The following HRH1 variants were observed in gnomAD, a reference collection of about 807,000 sequenced individuals.
The protein encoded by HRH1 is histamine receptor H1, also known as histamine H1 receptor.
HRH1 carries 6 observed loss-of-function variants against 10.3 expected under a neutral mutation model. That is an observed-to-expected ratio of 0.58 (90% confidence interval 0.32 to 1.15). The LOEUF (loss-of-function observed/expected upper bound fraction) is 1.15. HRH1 is among the 50% of genes most tolerant of loss of function. The pLI, the probability that HRH1 is intolerant of heterozygous loss-of-function variation, is 0.05. For missense variants in HRH1, 514 were observed against 615.3 expected, an observed-to-expected ratio of 0.84 and a Z score of 1.74; for synonymous variants, 242 against 236.7, an observed-to-expected ratio of 1.02 and a Z score of -0.21.
At chr3:11,222,826 G>A (rs965478633) in intron 1 of HRH1, among the ~76,000 whole-genome samples, 1 of 152,004 alleles carries the variant, frequency 6.6e-6, no homozygotes, top group South Asian at 2.1e-4. Context: ...CCATTCAAGC[G>A]CATTAAATAA....
At chr3:11,220,125 T>C (rs899852017) in intron 1 of HRH1, among the ~76,000 whole-genome samples, 4 of 152,138 alleles carry the variant, frequency 2.6e-5, no homozygotes, top group African/African-American at 9.7e-5. Flanking sequence ...TCTGGAAAAG[T>C]AATTGTAATA....
At chr3:11,244,244 C>A (rs1438954811) in intron 1 of HRH1, among the ~76,000 whole-genome samples, 1 of 152,220 alleles carries the variant, frequency 6.6e-6, no homozygotes, top group Non-Finnish European at 1.5e-5. Flanking sequence ...AAAGTACACA[C>A]CTTTATTTTA....
At chr3:11,229,800 A>C (rs1438961194) in intron 1 of HRH1, among the ~76,000 whole-genome samples, 1 of 152,242 alleles carries the variant, frequency 6.6e-6, no homozygotes, top group Non-Finnish European at 1.5e-5. Flanking sequence ...CTTGTTTTTC[A>C]TACGTGGTAG....
chr3:11,171,413 GC>G (rs1464653395), intron 1 of HRH1, among the ~76,000 whole-genome samples: 6 of 152,180 alleles, frequency 3.9e-5, no homozygotes, highest in African/African-American at 1.2e-4. Flanking sequence ...ACTGTGCCTG[GC>G]CAGGGTTGCA....
chr3:11,191,645 G>A (rs767573751), intron 1 of HRH1, among the ~76,000 whole-genome samples: 8 of 152,194 alleles, frequency 5.3e-5, no homozygotes, highest in Non-Finnish European at 1.2e-4. Context: ...GAACCTGGGG[G>A]CCAGCATGGA....
At chr3:11,181,152 A>T (rs1006347719) in intron 1 of HRH1, among the ~76,000 whole-genome samples, 1 of 152,070 alleles carries the variant, frequency 6.6e-6, no homozygotes, top group Non-Finnish European at 1.5e-5. Context: ...GCCTAGTGGC[A>T]TGTGCCTGTA....
intron 1 of HRH1, among the ~76,000 whole-genome samples, chr3:11,223,959 G>A (rs1575025784): frequency 6.6e-6 from 1 of 152,142 alleles, no homozygotes; most frequent in Non-Finnish European, 1.5e-5. Context: ...AGCCTTGAGG[G>A]GACACAGAGG....
At chr3:11,151,240 C>T (rs1936612367), upstream of HRH1, among the ~76,000 whole-genome samples, 1 of 152,176 alleles carries the variant, frequency 6.6e-6, no homozygotes, top group Non-Finnish European at 1.5e-5. Flanking sequence ...GGTTGTTTAG[C>T]CATTTCCACC....
intron 1 of HRH1, among the ~76,000 whole-genome samples, chr3:11,243,789 T>A (rs1939409176): frequency 6.6e-6 from 1 of 152,232 alleles, no homozygotes; most frequent in African/African-American, 2.4e-5. Flanking sequence ...CTTTCTGACG[T>A]CCGCATTTTG....
intron 1 of HRH1, among the ~76,000 whole-genome samples, chr3:11,197,816 GTTTGT>G (rs1937723824): frequency 6.6e-6 from 1 of 151,864 alleles, no homozygotes; most frequent in East Asian, 1.9e-4. Context: ...TGTCTACACT[GTTTGT>G]AACCCTCCAG....
intron 1 of HRH1, chr3:11,226,413 TGAGA>T (rs1388410380): frequency 6.6e-6 from 1 of 152,136 alleles, no homozygotes; most frequent in Non-Finnish European, 1.5e-5. Flanking sequence ...CTGAAGTTTT[TGAGA>T]GAGAGAGCAG....
At chr3:11,147,718 G>A (rs1187689194) in intron 1 of HRH1, among the ~76,000 whole-genome samples, 1 of 152,202 alleles carries the variant, frequency 6.6e-6, no homozygotes, top group Non-Finnish European at 1.5e-5. Context: ...CCCAGATGAA[G>A]CTGATACTAT....
rs140787308 is a variant in HRH1, at chr3:11,234,059, C to A, written c.-35-24944C>A. Among the ~76,000 whole-genome samples the A allele has an allele frequency of 3.1e-3, 477 of 152,238 alleles. 2 individuals are homozygous for A. Among genetic ancestry groups the A allele is most frequent in the Non-Finnish European group, 5.5e-3 (374 of 68,016 alleles). On this transcript the variant is annotated intron_variant, in intron 1 of 1. Transcript: ENST00000431010. ...CGGCCACAGGTTTGGGTAGGACACA[C>A]ATACATACAACTCCCATTTTTTTTC...
At chr3:11,175,943 G>C (rs56673747) in intron 1 of HRH1, among the ~76,000 whole-genome samples, 2,203 of 152,186 alleles carry the variant, frequency 0.014, 65 homozygotes, top group African/African-American at 0.051. Flanking sequence ...CAGATTGTCT[G>C]AGCCCAGGAG....
chr3:11,251,772 C>A (rs1939659336), intron 1 of HRH1, among the ~76,000 whole-genome samples: 1 of 152,200 alleles, frequency 6.6e-6, no homozygotes, highest in Non-Finnish European at 1.5e-5. Flanking sequence ...AGTAAGCAAC[C>A]TTTCTGCCTT....
At chr3:11,160,116 A>T (rs1387356761) in intron 1 of HRH1, among the ~76,000 whole-genome samples, 1 of 152,214 alleles carries the variant, frequency 6.6e-6, no homozygotes. Flanking sequence ...CCTGGTGGCC[A>T]CAGATTGAGG....
chr3:11,224,413 G>T (rs1938811517), intron 1 of HRH1, among the ~76,000 whole-genome samples: 2 of 152,186 alleles, frequency 1.3e-5, no homozygotes, highest in Admixed American at 1.3e-4. Context: ...TTGGATGTTG[G>T]AGGGCCGGGC....
chr3:11,243,068 C>G (rs1332099418), intron 1 of HRH1, among the ~76,000 whole-genome samples: 1 of 152,168 alleles, frequency 6.6e-6, no homozygotes, highest in Non-Finnish European at 1.5e-5. Context: ...TGCCTGCCAC[C>G]ACGCCTGGCT....
chr3:11,239,347 T>C (rs1939272992), intron 1 of HRH1, among the ~76,000 whole-genome samples: 1 of 152,244 alleles, frequency 6.6e-6, no homozygotes. Context: ...TTTGCCTATT[T>C]ATAAATTGGG....
Sources: gnomAD v4.1 joint callset for allele counts (sites outside exome capture counted in the v4.1 genomes callset) on GRCh38, gnomAD v4.1.1 for gene constraint, MANE v1.5 for transcripts, NCBI Gene and HGNC (gene_info 2026-07-23, HGNC 2026-07-21) for gene names.